GPSM2: variants seen among roughly 807,000 people sequenced by gnomAD.
GPSM2 encodes the protein G protein signaling modulator 2, also known as G protein-signaling modulator 2.
A neutral mutation model predicts 78.4 loss-of-function variants in GPSM2; 58 were observed. That is an observed-to-expected ratio of 0.74 (90% CI 0.60 to 0.92). The LOEUF (loss-of-function observed/expected upper bound fraction) is 0.92, where lower values mean the gene tolerates loss of function less well. Ranked by LOEUF, GPSM2 falls within the 40% of genes least tolerant of loss-of-function variation. GPSM2 has a pLI of 0.00. For synonymous variants in GPSM2, 224 were observed against 280.2 expected (o/e 0.80, Z 2.00); for missense variants, 700 against 815.5 (o/e 0.86, Z 1.73).
In GPSM2 at chr1:108,931,029, G is replaced by GTGAC. The variant is rs1651862403; in HGVS notation, c.*1090_*1093dup. ...ATCGTGCCACTGCACTCCAGCCTGG[G>GTGAC]TGACAGAGCAAGACCCTGTCTCTAG... On this transcript the variant is annotated 3_prime_UTR_variant, in exon 15 of 15. Transcript: ENST00000264126. The GTGAC allele has an allele frequency of 4.7e-6, 1 of 212,266 alleles. No individual in the cohort carries two copies. Among genetic ancestry groups the GTGAC allele is most frequent in the African/African-American group, 2.4e-5 (1 of 42,356 alleles). The allele number at this position is 212,266 out of a possible 1,614,324, so 13.1% of individuals were successfully genotyped here.
chr1:108,881,715 T>G (rs866727910), intron 1 of GPSM2, among the ~76,000 whole-genome samples: 6 of 152,224 alleles, frequency 3.9e-5, no homozygotes, highest in Non-Finnish European at 1.5e-5. Context: ...TTGCTCTTAT[T>G]GAAATAGTGA....
intron 11 of GPSM2, among the ~76,000 whole-genome samples, chr1:108,917,647 T>A (rs1447362536): frequency 3.5e-5 from 1 of 28,212 alleles, no homozygotes; most frequent in East Asian, 6.6e-4. Flanking sequence ...TATATATATA[T>A]ATATATATAT....
intron 10 of GPSM2, among the ~76,000 whole-genome samples, chr1:108,913,341 G>C (rs2101496275): frequency 6.6e-6 from 1 of 152,290 alleles, no homozygotes; most frequent in Non-Finnish European, 1.5e-5. Context: ...TAAAATGGAT[G>C]ATTTCCTAGT....
intron 10 of GPSM2, among the ~76,000 whole-genome samples, chr1:108,913,878 A>G (rs990726805): frequency 3.3e-5 from 5 of 152,216 alleles, no homozygotes; most frequent in African/African-American, 1.2e-4. Flanking sequence ...TCATCTAATG[A>G]GATCTTAAAA....
chr1:108,932,069 T>G lies in GPSM2; in HGVS notation c.*2129T>G, dbSNP rs1308196539. 1 of 152,314 alleles carries G rather than the reference T, an allele frequency of 6.6e-6. No homozygotes were observed. The allele number at this position is 152,314 out of a possible 1,614,324, so 9.4% of individuals were successfully genotyped here. A position where few individuals can be genotyped will look rare whatever the true frequency, so the allele number is the denominator to read the frequency against. On this transcript the variant is annotated 3_prime_UTR_variant, in exon 15 of 15. Transcript: ENST00000264126. ...GGGCGGGTCACTTGAGGTCAGGAGT[T>G]CGAGACCAGCCTGACCAACATGGTG...
rs148266178 is a variant in GPSM2 at position 108,924,069 on chromosome 1, G to A, written c.1670G>A (p.Arg557His). 169 of 1,613,406 alleles carry A rather than the reference G, an allele frequency of 1.0e-4. No individual in the cohort carries two copies. The highest frequency in any genetic ancestry group is 2.9e-4 in the East Asian group (13 of 44,878). ...GATCTTCTTGCCAGCTCACAGAGTC[G>A]CCGTCTGGATGACCAGAGGGCTAGT... ...FLDLLASSQS[R>H]RLDDQRASFS... The change falls in exon 14 of 15, where the codon CGC (arginine) becomes CAC (histidine). Residue 557 changes from arginine (R) to histidine (H), a missense_variant. Arg to His is a conservative substitution (Grantham distance 29). Coordinates refer to ENST00000264126, the MANE Select transcript of GPSM2 (RefSeq NM_013296.5).
intron 10 of GPSM2, among the ~76,000 whole-genome samples, chr1:108,907,044 A>G (rs1281863016): frequency 1.3e-5 from 2 of 152,080 alleles, no homozygotes; most frequent in African/African-American, 4.8e-5. Context: ...CTCAGTCCTC[A>G]CCATGGTTGA....
At chr1:108,886,682 A>G (rs886520914) in intron 2 of GPSM2, among the ~76,000 whole-genome samples, 11 of 152,210 alleles carry the variant, frequency 7.2e-5, no homozygotes, top group Admixed American at 7.2e-4. Context: ...GGTTATGCAC[A>G]TGTATGTGTG....
chr1:108,887,913 G>T (rs937832022), intron 2 of GPSM2, among the ~76,000 whole-genome samples: 1 of 152,134 alleles, frequency 6.6e-6, no homozygotes. Context: ...CATCTCTAAT[G>T]CAATTAGGAA....
chr1:108,932,601 C>CAGTT lies in GPSM2; in HGVS notation c.*2663_*2666dup, dbSNP rs1332280777. The CAGTT allele has an allele frequency of 2.0e-5, 3 of 152,200 alleles. No homozygotes were observed. Among genetic ancestry groups the CAGTT allele is most frequent in the African/African-American group, 7.2e-5 (3 of 41,426 alleles). 9.4% of individuals were successfully genotyped at this position (152,200 alleles called of 1,614,324 possible). On this transcript the variant is annotated 3_prime_UTR_variant, in exon 15 of 15. Transcript: ENST00000264126. ...ATGCAAGCAGCATTAATTCCACTCA[C>CAGTT]AGTTACAGTCTATCACCTGGGGCAT...
intron 2 of GPSM2, among the ~76,000 whole-genome samples, chr1:108,887,515 G>T (rs1052386529): frequency 6.6e-6 from 1 of 152,094 alleles, no homozygotes; most frequent in Non-Finnish European, 1.5e-5. Context: ...TCACACCTTC[G>T]ATTCCCCAAA....
chr1:108,916,931 G>T (rs759751603), intron 11 of GPSM2, among the ~76,000 whole-genome samples: 1 of 152,032 alleles, frequency 6.6e-6, no homozygotes, highest in African/African-American at 2.4e-5. Flanking sequence ...TTGGATGCCT[G>T]AACTTGGATA....
intron 10 of GPSM2, among the ~76,000 whole-genome samples, chr1:108,909,146 G>A (rs12125779): frequency 0.029 from 4,478 of 152,154 alleles, 79 homozygotes; most frequent in Non-Finnish European, 0.046. Flanking sequence ...AACTACACAC[G>A]TATGTGTATG....
In GPSM2 at chr1:108,903,161, A is replaced by G; in HGVS notation, c.989A>G (p.Asn330Ser). The part of the protein sequence containing the change: ...GEGRACWSLG[N>S]AYTALGNHDQ... The stretch of plus-strand genomic sequence containing the variant: ...GGAAGAGCATGTTGGAGCTTAGGAA[A>G]TGCATACACAGCACTAGGAAATCAT... Residue 330 changes from asparagine to serine, a missense_variant, in exon 9 of 15, where the codon AAT becomes AGT. Transcript: ENST00000264126. The G allele has an allele frequency of 6.2e-7, 1 of 1,610,516 alleles. No individual in the cohort carries two copies. Among genetic ancestry groups the G allele is most frequent in the East Asian group, 2.2e-5 (1 of 44,834 alleles).
chr1:108,880,678 A>G (rs761730153), intron 1 of GPSM2, among the ~76,000 whole-genome samples: 1 of 152,216 alleles, frequency 6.6e-6, no homozygotes. Context: ...ATTGAAGCTG[A>G]TGACTGGACC....
chr1:108,885,194 G>GC (rs1647434780), intron 1 of GPSM2, 81 bp from the exon 2 acceptor site: 1 of 212,876 alleles, frequency 4.7e-6, no homozygotes, highest in Non-Finnish European at 9.4e-6. Context: ...GTTAGCTTGT[G>GC]ATTATGTACA....
At chr1:108,910,715 T>C (rs909437530) in intron 10 of GPSM2, among the ~76,000 whole-genome samples, 4 of 151,760 alleles carry the variant, frequency 2.6e-5, no homozygotes, top group African/African-American at 9.7e-5. Flanking sequence ...ATACAAAAAT[T>C]AGCCAGGGGT....
chr1:108,897,832 G>T (rs1648488876), intron 4 of GPSM2, 127 bp from the exon 5 acceptor site: 1 of 961,616 alleles, frequency 1.0e-6, no homozygotes. Flanking sequence ...TTATTTGATT[G>T]GTTCTGTATG....
At chr1:108,898,226 C>A in intron 5 of GPSM2, 125 bp downstream of exon 5, 1 of 903,976 alleles carries the variant, frequency 1.1e-6, no homozygotes, top group Non-Finnish European at 1.8e-6. Context: ...CTAGCAAAAT[C>A]ATCAATTCAG....
Sources: gnomAD v4.1 joint callset for allele counts (sites outside exome capture counted in the v4.1 genomes callset) on GRCh38, gnomAD v4.1.1 for gene constraint, MANE v1.5 for transcripts, NCBI Gene and HGNC (gene_info 2026-07-23, HGNC 2026-07-21) for gene names.